The following CNTLN variants were observed in gnomAD, a reference collection of about 807,000 sequenced individuals.
CNTLN encodes the protein centlein, centrosomal protein.
Under a neutral mutation model 180.0 loss-of-function variants are expected in CNTLN, and 212 were observed. The ratio of observed to expected loss-of-function variants is 1.18; its 90% CI spans 1.05 to 1.32. The LOEUF (loss-of-function observed/expected upper bound fraction) is 1.32, where lower values mean the gene tolerates loss of function less well. CNTLN is among the 40% of genes most tolerant of loss of function. The probability of loss-of-function intolerance (pLI) is 0.00; values close to 1 mark genes in which losing one functional copy is unlikely to be tolerated. For missense variants in CNTLN, 2,095 were observed against 1,610.9 expected (o/e 1.30, Z -5.14); for synonymous variants, 722 against 563.1 (o/e 1.28, Z -3.99).
intron 20 of CNTLN, among the ~76,000 whole-genome samples, chr9:17,463,585 T>C (rs1206187110): frequency 6.6e-6 from 1 of 151,668 alleles, no homozygotes; most frequent in Non-Finnish European, 1.5e-5. Flanking sequence ...ATTTGAGATA[T>C]ATGTATCTCA....
intron 18 of CNTLN, among the ~76,000 whole-genome samples, chr9:17,429,523 C>G (rs1829288497): frequency 1.3e-5 from 2 of 151,962 alleles, no homozygotes; most frequent in Non-Finnish European, 2.9e-5. Context: ...ATTTAAGGCA[C>G]TTAGAAATAT....
chr9:17,406,500 C>T (rs1234176009), intron 15 of CNTLN, among the ~76,000 whole-genome samples: 1 of 151,710 alleles, frequency 6.6e-6, no homozygotes, highest in East Asian at 1.9e-4. Context: ...ACTCCCTCTC[C>T]TCTAAGTTTT....
At chr9:17,153,605 C>T (rs1373468070) in intron 2 of CNTLN, among the ~76,000 whole-genome samples, 2 of 152,128 alleles carry the variant, frequency 1.3e-5, no homozygotes, top group Non-Finnish European at 2.9e-5. Context: ...TTCATTTCAA[C>T]CTTGGTGAAT....
intron 1 of CNTLN, among the ~76,000 whole-genome samples, chr9:17,137,563 T>A (rs549152916): frequency 1.2e-4 from 18 of 152,310 alleles, no homozygotes; most frequent in African/African-American, 2.9e-4. Flanking sequence ...CATGCCCTAA[T>A]ACTGTGTGGG....
At chr9:17,209,866 C>T (rs1257030270) in intron 2 of CNTLN, among the ~76,000 whole-genome samples, 1 of 151,978 alleles carries the variant, frequency 6.6e-6, no homozygotes, top group African/African-American at 2.4e-5. Context: ...TGATATTCAC[C>T]TTAGGGAAAA....
rs1239578851 is a variant in CNTLN at position 17,295,987 on chromosome 9, AGAGAGAGAGAGTGTGTGTGTGTGT to A, written c.984-2201_984-2178del. ...TCTTCAGTGAGAGAGAGAGAGAGAG[AGAGAGAGAGAGTGTGTGTGTGTGT>A]GTGTGTGTGTGTGTGTGTGTGTGTG... On this transcript the variant is annotated intron_variant, in intron 6 of 25. Transcript: ENST00000380647. 4.3e-3 allele frequency among the ~76,000 whole-genome samples: 532 copies of A among 123,892 alleles called. 2 individuals carry two copies. The highest frequency in any genetic ancestry group is 0.015 in the South Asian group (51 of 3,442). 81.3% of individuals were successfully genotyped at this position (123,892 alleles called of 152,430 possible). A position where few individuals can be genotyped will look rare whatever the true frequency, so the allele number is the denominator to read the frequency against.
intron 5 of CNTLN, among the ~76,000 whole-genome samples, chr9:17,266,420 T>A (rs1419332512): frequency 6.6e-6 from 1 of 152,182 alleles, no homozygotes; most frequent in African/African-American, 2.4e-5. Flanking sequence ...TTATAATTTC[T>A]GTTCTTTTAC....
intron 2 of CNTLN, among the ~76,000 whole-genome samples, chr9:17,194,626 C>T (rs145207024): frequency 1.6e-4 from 24 of 152,180 alleles, no homozygotes; most frequent in African/African-American, 4.8e-4. Context: ...CTAGGAAGTT[C>T]CAAACTTTCC....
intron 2 of CNTLN, among the ~76,000 whole-genome samples, chr9:17,169,814 A>G (rs1032876751): frequency 2.0e-5 from 3 of 152,044 alleles, no homozygotes; most frequent in Non-Finnish European, 4.4e-5. Context: ...TTGTAATCTG[A>G]TTTGAAATCA....
chr9:17,327,865 AT>A (rs1291812490), intron 8 of CNTLN, among the ~76,000 whole-genome samples: 1 of 151,984 alleles, frequency 6.6e-6, no homozygotes, highest in Non-Finnish European at 1.5e-5. Context: ...AGGCAGGAGA[AT>A]TGCTTGAATT....
intron 8 of CNTLN, among the ~76,000 whole-genome samples, chr9:17,309,842 C>T (rs1819001645): frequency 6.6e-6 from 1 of 152,030 alleles, no homozygotes; most frequent in South Asian, 2.1e-4. Context: ...CAACTCTAAA[C>T]ATCTTTAAAA....
At chr9:17,308,601 C>T (rs935816419) in intron 7 of CNTLN, among the ~76,000 whole-genome samples, 1 of 151,910 alleles carries the variant, frequency 6.6e-6, no homozygotes, top group Non-Finnish European at 1.5e-5. Flanking sequence ...TCTGTCCTTT[C>T]CTATCGTTGT....
downstream of CNTLN, among the ~76,000 whole-genome samples, chr9:17,506,425 T>C (rs1473642635): frequency 6.6e-6 from 1 of 152,114 alleles, no homozygotes; most frequent in East Asian, 1.9e-4. Context: ...CCTCTGTGAG[T>C]AACATTTATT....
chr9:17,227,252 C>G (rs1824530376), intron 3 of CNTLN, among the ~76,000 whole-genome samples: 1 of 151,776 alleles, frequency 6.6e-6, no homozygotes, highest in South Asian at 2.1e-4. Context: ...GACAGATATT[C>G]AAACTATATC....
intron 2 of CNTLN, among the ~76,000 whole-genome samples, chr9:17,179,612 A>G (rs964433899): frequency 2.0e-5 from 3 of 152,188 alleles, no homozygotes; most frequent in African/African-American, 7.2e-5. Flanking sequence ...GTATAAATCT[A>G]TGGGCATTTG....
chr9:17,323,902 A>G (rs926956565), intron 8 of CNTLN, among the ~76,000 whole-genome samples: 1 of 152,236 alleles, frequency 6.6e-6, no homozygotes, highest in African/African-American at 2.4e-5. Context: ...TAATGCAATC[A>G]GGAATTGAGA....
chr9:17,374,160 C>A (rs1369801978), intron 13 of CNTLN, among the ~76,000 whole-genome samples: 6 of 152,084 alleles, frequency 3.9e-5, no homozygotes, highest in South Asian at 2.1e-4. Flanking sequence ...AGGGAACAAT[C>A]AACAAATCAA....
At chr9:17,335,143 T>C (rs1308463246) in intron 10 of CNTLN, among the ~76,000 whole-genome samples, 1 of 152,196 alleles carries the variant, frequency 6.6e-6, no homozygotes, top group African/African-American at 2.4e-5. Context: ...ACAGATTAAA[T>C]GACATCCATC....
the CNTLN span, among the ~76,000 whole-genome samples, chr9:17,510,266 C>T: frequency 2.6e-5 from 4 of 151,968 alleles, no homozygotes; most frequent in African/African-American, 9.7e-5. Flanking sequence ...TTAGAAATAC[C>T]ACATAACCAC....
Sources: allele counts gnomAD v4.1 joint callset (sites outside exome capture counted in the v4.1 genomes callset), GRCh38; gene constraint gnomAD v4.1.1; transcripts MANE v1.5; gene names NCBI Gene and HGNC (gene_info 2026-07-23, HGNC 2026-07-21).